TP53BP1: variants seen among roughly 807,000 people sequenced by gnomAD.
TP53BP1 encodes the protein tumor protein p53 binding protein 1.
TP53BP1 carries 61 observed loss-of-function variants against 200.8 expected under a neutral mutation model. The ratio of observed to expected loss-of-function variants is 0.30; its 90% confidence interval spans 0.25 to 0.38. The LOEUF is 0.38. Among genes scored for constraint, TP53BP1 ranks in the 10% least tolerant of loss-of-function variants. The pLI, the probability that TP53BP1 is intolerant of heterozygous loss-of-function variation, is 1.00. For synonymous variants in TP53BP1, 822 were observed against 844.3 expected, an observed-to-expected ratio of 0.97 and a Z score of 0.46; for missense variants, 2,144 against 2,371.9, an observed-to-expected ratio of 0.90 and a Z score of 2.00.
rs2044779581 is a variant in TP53BP1 at position 43,404,266 on chromosome 15, TAATAGA to T, written c.*3111_*3116del. 2.3e-6 allele frequency: 2 copies of T among 864,516 alleles called. No individual in the cohort carries two copies. Among genetic ancestry groups the T allele is most frequent in the African/African-American group, 3.4e-5 (2 of 58,848 alleles). 53.6% of individuals were successfully genotyped at this position (864,516 alleles called of 1,614,324 possible). ...ATTTGGTACAAGTCATTTTAGGAACTAATAGAAATAGGAATGTGGGAAGGCCAGGTG... is the reference window on the plus strand; with the variant it reads ...ATTTGGTACAAGTCATTTTAGGAACTAATAGGAATGTGGGAAGGCCAGGTG... On this transcript the variant is annotated 3_prime_UTR_variant, in exon 28 of 28. Coordinates refer to ENST00000382044, the MANE Select transcript of TP53BP1 (RefSeq NM_001141980.3).
intron 4 of TP53BP1, among the ~76,000 whole-genome samples, chr15:43,485,176 T>C (rs901211120): frequency 1.3e-5 from 2 of 152,206 alleles, no homozygotes; most frequent in African/African-American, 4.8e-5. Flanking sequence ...TATATTGCTA[T>C]ACCCTACACA....
chr15:43,406,774 G>A lies in TP53BP1; in HGVS notation c.*609C>T. ...AGGTGTTCTCACTTGTGCTTCCCAT[G>A]TTTATCTTACGGAAGGTCATTCCAT... On this transcript the variant is annotated 3_prime_UTR_variant, in exon 28 of 28. Transcript: ENST00000382044. 2.8e-6 allele frequency: 1 copy of A among 358,102 alleles called. No homozygotes were observed. Among genetic ancestry groups the A allele is most frequent in the South Asian group, 2.3e-5 (1 of 43,426 alleles). 22.2% of individuals were successfully genotyped at this position (358,102 alleles called of 1,614,324 possible). A position where few individuals can be genotyped will look rare whatever the true frequency, so the allele number is the denominator to read the frequency against.
chr15:43,475,822 T>C, intron 8 of TP53BP1, 128 bp from the exon 9 acceptor site: 1 of 1,162,176 alleles, frequency 8.6e-7, no homozygotes. Flanking sequence ...GGGCAGAAAT[T>C]GTTTTCTAAT....
At chr15:43,458,852 T>A (rs1008388950) in intron 11 of TP53BP1, among the ~76,000 whole-genome samples, 1 of 151,954 alleles carries the variant, frequency 6.6e-6, no homozygotes, top group African/African-American at 2.4e-5. Context: ...ACTGCAACTC[T>A]CGTACATTGC....
intron 12 of TP53BP1, among the ~76,000 whole-genome samples, chr15:43,454,236 A>G (rs530620304): frequency 4.6e-5 from 7 of 152,314 alleles, no homozygotes; most frequent in African/African-American, 1.7e-4. Context: ...CGCAAACCAA[A>G]AAATATGGTC....
chr15:43,473,861 G>A (rs2046786013), intron 10 of TP53BP1, among the ~76,000 whole-genome samples: 1 of 152,238 alleles, frequency 6.6e-6, no homozygotes, highest in Admixed American at 6.5e-5. Context: ...CCAGTCCTGT[G>A]CCGTGCTCCT....
intron 1 of TP53BP1, among the ~76,000 whole-genome samples, chr15:43,503,150 C>T (rs924680435): frequency 1.3e-5 from 2 of 152,258 alleles, no homozygotes; most frequent in African/African-American, 2.4e-5. Flanking sequence ...TAAATGGGTG[C>T]GTGTGTGTGT....
Position 43,437,072 on chromosome 15 carries a change from T to A in TP53BP1, c.3191+1252A>T, listed in dbSNP as rs929050772. On this transcript the variant is annotated intron_variant, in intron 16 of 27. Transcript: ENST00000382044. ...CACTCAGGGGGTTCAGGCAGGAGGA[T>A]TGCTTGAGCCTAGGAATTTGGGGCT... 5.3e-5 allele frequency among the ~76,000 whole-genome samples: 8 copies of A among 152,106 alleles called. 1 individual carries two copies. In the South Asian group the frequency reaches 1.7e-3, roughly 32 times the overall value.
At chr15:43,430,073 A>C (rs1157442154) in intron 17 of TP53BP1, among the ~76,000 whole-genome samples, 1 of 152,212 alleles carries the variant, frequency 6.6e-6, no homozygotes. Context: ...TACTCACTTC[A>C]AATACTCTTC....
intron 18 of TP53BP1, among the ~76,000 whole-genome samples, chr15:43,425,277 T>C (rs972164569): frequency 3.3e-5 from 5 of 152,172 alleles, no homozygotes; most frequent in African/African-American, 1.2e-4. Flanking sequence ...CATCAAACTG[T>C]CTAAGAGGCC....
intron 8 of TP53BP1, among the ~76,000 whole-genome samples, chr15:43,476,038 G>C (rs1286744528): frequency 1.3e-5 from 2 of 152,168 alleles, no homozygotes; most frequent in East Asian, 3.8e-4. Flanking sequence ...GCTGAGGCGG[G>C]TGGATCATCT....
chr15:43,450,799 C>T (rs896392225), intron 12 of TP53BP1, among the ~76,000 whole-genome samples: 4 of 152,138 alleles, frequency 2.6e-5, no homozygotes, highest in African/African-American at 9.7e-5. Flanking sequence ...CCAACTCCCT[C>T]TCTCCCCACA....
intron 20 of TP53BP1, 75 bp downstream of exon 20, chr15:43,420,950 A>G: frequency 6.5e-7 from 1 of 1,530,912 alleles, no homozygotes; most frequent in Non-Finnish European, 8.8e-7. Context: ...CACCCCACAA[A>G]CTCTCTACTC....
intron 4 of TP53BP1, among the ~76,000 whole-genome samples, chr15:43,486,037 TTAAA>T (rs1056294152): frequency 6.6e-6 from 1 of 151,682 alleles, no homozygotes; most frequent in African/African-American, 2.4e-5. Flanking sequence ...GCCAGAAGAA[TTAAA>T]ATAATTACCA....
At position 43,456,740 on chromosome 15, in the gene TP53BP1, T is replaced by A; in HGVS notation, c.1868A>T (p.Asp623Val). The change falls in exon 12 of 28, where the codon GAT (aspartate) becomes GTT (valine). Residue 623 changes from aspartate to valine, a missense_variant. Asp to Val is a radical substitution (Grantham distance 152). Transcript: ENST00000382044. ...CTGACTCCCCGAATCACAAGTGAGA[T>A]CAATACAAACATCTTCTGCTACCGT... ...EETVAEDVCIDLTCDSGSQAV... is the reference protein window; with the variant it reads ...EETVAEDVCIVLTCDSGSQAV... 6.2e-7 allele frequency: 1 copy of A among 1,614,116 alleles called. No homozygotes were observed.
At chr15:43,411,935 A>T (rs187524106) in intron 24 of TP53BP1, among the ~76,000 whole-genome samples, 2 of 152,268 alleles carry the variant, frequency 1.3e-5, no homozygotes, top group East Asian at 1.9e-4. Context: ...GGGAAAAAAA[A>T]ACCCATGACC....
chr15:43,434,120 G>A (rs2045735610), intron 16 of TP53BP1, among the ~76,000 whole-genome samples: 1 of 152,102 alleles, frequency 6.6e-6, no homozygotes, highest in African/African-American at 2.4e-5. Flanking sequence ...CTATCTCTCA[G>A]GAACCTCAAC....
chr15:43,407,203 A>C lies in TP53BP1; in HGVS notation c.*180T>G, dbSNP rs1334457712. 3.4e-6 allele frequency: 2 copies of C among 594,396 alleles called. No individual in the cohort carries two copies. Among genetic ancestry groups the C allele is most frequent in the African/African-American group, 1.9e-5 (1 of 53,888 alleles). 36.8% of individuals were successfully genotyped at this position (594,396 alleles called of 1,614,324 possible). ...AGATTAAGCTCAAAAAAACAGATGA[A>C]GAAATCCCAGTTACTACAACCAAAG... On this transcript the variant is annotated 3_prime_UTR_variant, in exon 28 of 28. Coordinates refer to ENST00000382044, the MANE Select transcript of TP53BP1 (RefSeq NM_001141980.3).
intron 24 of TP53BP1, among the ~76,000 whole-genome samples, chr15:43,412,239 A>T (rs1181819217): frequency 6.6e-6 from 1 of 152,214 alleles, no homozygotes; most frequent in Non-Finnish European, 1.5e-5. Flanking sequence ...ATTAGGAAAG[A>T]GTCATCCACA....
Sources: gnomAD v4.1 joint callset for allele counts (sites outside exome capture counted in the v4.1 genomes callset) on GRCh38, gnomAD v4.1.1 for gene constraint, MANE v1.5 for transcripts, NCBI Gene and HGNC (gene_info 2026-07-23, HGNC 2026-07-21) for gene names.